Variants in QSOX2 observed in about 807,000 individuals in gnomAD.
The protein encoded by QSOX2 is quiescin sulfhydryl oxidase 2.
Under a neutral mutation model 61.7 loss-of-function variants are expected in QSOX2, and 46 were observed. The observed-to-expected ratio is 0.75, with a 90% CI of 0.59 to 0.95. QSOX2 has a LOEUF of 0.95. QSOX2 is among the 40% of genes least tolerant of loss of function. The pLI is 0.00. For synonymous variants in QSOX2, 383 were observed against 388.4 expected (o/e 0.99, Z 0.16); for missense variants, 879 against 918.9 (o/e 0.96, Z 0.56).
At position 136,222,282 on chromosome 9, in the gene QSOX2, C is replaced by T. The variant is rs1319714890; in HGVS notation, c.676-341G>A. ...CCCTGCACACAGCAGCCACACCCCA[C>T]GGCCTCGCACTCCCGTCCCGCGTGT... On this transcript the variant is annotated intron_variant, in intron 5 of 11. Transcript: ENST00000358701. The surrounding 1 kb of genome is among the most constrained non-coding windows in gnomAD (Gnocchi z 6.9). Among the ~76,000 whole-genome samples, 1 of 152,232 alleles carries T rather than the reference C, an allele frequency of 6.6e-6. No homozygotes were observed. The highest frequency in any genetic ancestry group is 1.5e-5 in the Non-Finnish European group (1 of 68,048).
At chr9:136,229,291 C>T (rs551563765) in intron 1 of QSOX2, among the ~76,000 whole-genome samples, 4 of 152,302 alleles carry the variant, frequency 2.6e-5, no homozygotes, top group Non-Finnish European at 4.4e-5. Context: ...TGCTCTCACC[C>T]AGTCAGCGCA....
chr9:136,216,104 G>A (rs558468110), intron 9 of QSOX2, among the ~76,000 whole-genome samples: 1 of 152,228 alleles, frequency 6.6e-6, no homozygotes, highest in Non-Finnish European at 1.5e-5. Context: ...TGGGTTTACT[G>A]CCCGCGAGTA....
intron 1 of QSOX2, among the ~76,000 whole-genome samples, chr9:136,230,019 G>A (rs1242139693): frequency 1.3e-5 from 2 of 152,228 alleles, no homozygotes; most frequent in African/African-American, 2.4e-5. Context: ...GGTGGCTCAC[G>A]CCTGTAATCC....
At chr9:136,225,893 A>G (rs978009117) in intron 2 of QSOX2, among the ~76,000 whole-genome samples, 2 of 152,246 alleles carry the variant, frequency 1.3e-5, no homozygotes, top group Admixed American at 1.3e-4. Flanking sequence ...AAGCAAAATC[A>G]AAATACAACA....
In QSOX2 at chr9:136,207,839, G is replaced by A. The variant is rs1182555885; in HGVS notation, c.*889C>T. 6.6e-6 allele frequency: 1 copy of A among 152,220 alleles called. No homozygotes were observed. Among genetic ancestry groups the A allele is most frequent in the Admixed American group, 6.5e-5 (1 of 15,288 alleles). The allele number at this position is 152,220 out of a possible 1,614,324, so 9.4% of individuals were successfully genotyped here. On this transcript the variant is annotated 3_prime_UTR_variant, in exon 12 of 12. Coordinates refer to ENST00000358701, the MANE Select transcript of QSOX2 (RefSeq NM_181701.4). Reference sequence around the variant, plus strand: ...CCCAACAGAGGGGCCTGTGCTCTAAGCACTGCCCGCTGAGCCCAGAGCTGC... The same window carrying A: ...CCCAACAGAGGGGCCTGTGCTCTAAACACTGCCCGCTGAGCCCAGAGCTGC...
At chr9:136,238,036 C>T (rs998985737) in intron 1 of QSOX2, among the ~76,000 whole-genome samples, 6 of 152,210 alleles carry the variant, frequency 3.9e-5, no homozygotes, top group African/African-American at 1.4e-4. Flanking sequence ...GGTCGGCGAG[C>T]TCACGAGTAA....
chr9:136,226,711 T>C (rs1393538021), intron 2 of QSOX2, 63 bp downstream of exon 2: 8 of 1,333,372 alleles, frequency 6.0e-6, no homozygotes, highest in Middle Eastern at 1.8e-4. Context: ...AGCCGCGTGA[T>C]GCTCACCTGG....
At position 136,210,434 on chromosome 9, in the gene QSOX2, C is replaced by A. The variant is rs534811506; in HGVS notation, c.1549+830G>T. On this transcript the variant is annotated intron_variant, in intron 11 of 11. Coordinates refer to ENST00000358701, the MANE Select transcript of QSOX2 (RefSeq NM_181701.4). ...GGGCTCCAGGTCCAGGCAGGCCTGG[C>A]GAGGGTCCTGGTCCCACTGCCTCAG... 6.3e-5 allele frequency: 62 copies of A among 985,358 alleles called. 1 individual carries two copies. In the South Asian group the frequency reaches 2.3e-3, roughly 37 times the overall value. The allele number at this position is 985,358 out of a possible 1,614,324, so 61.0% of individuals were successfully genotyped here.
chr9:136,217,303 T>C (rs746682505), intron 8 of QSOX2, among the ~76,000 whole-genome samples: 26 of 152,206 alleles, frequency 1.7e-4, no homozygotes, highest in Non-Finnish European at 2.4e-4. Context: ...GAAACTCTGA[T>C]CAGCTGCTGC....
At position 136,223,778 on chromosome 9, in the gene QSOX2, G is replaced by A. The variant is rs1830250410; in HGVS notation, c.660C>T (p.Ser220=). The change falls in exon 5 of 12, where the codon TCC becomes TCT. Residue 220 remains serine, a synonymous_variant. Coordinates refer to ENST00000358701, the MANE Select transcript of QSOX2 (RefSeq NM_181701.4). The surrounding 1 kb of genome is among the most constrained non-coding windows in gnomAD (Gnocchi z 4.4). ...GAGGCCGTACCTCCCGTCCAAGGTA[G>A]GAGCTGTTGCTTTCAAAGACAATAG... ...YVAIVFESNS[S]YLGREVILDL... is the part of the protein sequence containing the mutation. 2 of 1,613,916 alleles carry A rather than the reference G, an allele frequency of 1.2e-6. No homozygotes were observed. Among genetic ancestry groups the A allele is most frequent in the Non-Finnish European group, 8.5e-7 (1 of 1,180,012 alleles).
At chr9:136,231,806 G>A (rs1830332670) in intron 1 of QSOX2, among the ~76,000 whole-genome samples, 1 of 152,226 alleles carries the variant, frequency 6.6e-6, no homozygotes, top group South Asian at 2.1e-4. Flanking sequence ...CTACTTGGCA[G>A]ATGAGGACAC....
chr9:136,214,705 C>G (rs867784278), intron 10 of QSOX2, among the ~76,000 whole-genome samples: 16 of 152,334 alleles, frequency 1.1e-4, no homozygotes, highest in African/African-American at 3.4e-4. Flanking sequence ...CAGATGAGGC[C>G]ATGCCCGGCC....
intron 1 of QSOX2, among the ~76,000 whole-genome samples, chr9:136,239,817 T>C (rs1830420453): frequency 6.6e-6 from 1 of 152,208 alleles, no homozygotes; most frequent in Non-Finnish European, 1.5e-5. Flanking sequence ...GAATTTCAGT[T>C]ACACAGGCCT....
At chr9:136,224,523 G>C (rs537306741) in intron 3 of QSOX2, among the ~76,000 whole-genome samples, 1 of 152,344 alleles carries the variant, frequency 6.6e-6, no homozygotes, top group African/African-American at 2.4e-5. Context: ...TGCGGGGTCT[G>C]ATCACACTCT....
chr9:136,227,829 T>C (rs961468047), intron 1 of QSOX2, among the ~76,000 whole-genome samples: 3 of 151,910 alleles, frequency 2.0e-5, no homozygotes, highest in African/African-American at 7.3e-5. Flanking sequence ...ATACAAAAAA[T>C]TAGCTGGGCG....
intron 8 of QSOX2, among the ~76,000 whole-genome samples, chr9:136,217,451 G>A (rs1031088999): frequency 2.0e-5 from 3 of 152,144 alleles, no homozygotes; most frequent in African/African-American, 7.2e-5. Flanking sequence ...CACAGGTGGC[G>A]ATGCCAGACC....
chr9:136,223,659 C>T lies in QSOX2; in HGVS notation c.675+104G>A, dbSNP rs960432875. On this transcript the variant is annotated intron_variant, in intron 5 of 11. Transcript: ENST00000358701. This position sits in a 1 kb window ranked among gnomAD's most constrained non-coding sequence, Gnocchi z 4.4. ...AAGACCTAAAGCCACAGACAGGACA[C>T]GAGATGCCGACACAGTGACCGGCAC... 1.2e-5 allele frequency: 10 copies of T among 810,958 alleles called. No homozygotes were observed. The highest frequency in any genetic ancestry group is 2.5e-5 in the East Asian group (1 of 39,952). 50.2% of individuals were successfully genotyped at this position (810,958 alleles called of 1,614,324 possible).
At chr9:136,225,492 C>T (rs893311218) in intron 2 of QSOX2, among the ~76,000 whole-genome samples, 1 of 152,252 alleles carries the variant, frequency 6.6e-6, no homozygotes, top group African/African-American at 2.4e-5. Context: ...CACCCACGGC[C>T]CACAAAGCCA....
At chr9:136,234,381 A>G (rs1243357743) in intron 1 of QSOX2, among the ~76,000 whole-genome samples, 1 of 152,082 alleles carries the variant, frequency 6.6e-6, no homozygotes, top group African/African-American at 2.4e-5. Flanking sequence ...CCAGCCCGCA[A>G]GTTGTCTGAG....
Sources: allele counts gnomAD v4.1 joint callset (sites outside exome capture counted in the v4.1 genomes callset), GRCh38; gene constraint gnomAD v4.1.1; non-coding constraint Gnocchi (gnomAD v3.1); transcripts MANE v1.5; gene names NCBI Gene and HGNC (gene_info 2026-07-23, HGNC 2026-07-21).